The following SPOCK3 variants were observed in gnomAD, a reference collection of about 807,000 sequenced individuals.
SPOCK3 encodes SPARC (osteonectin), cwcv and kazal like domains proteoglycan 3, also known as testican-3.
A neutral mutation model predicts 56.6 loss-of-function variants in SPOCK3; 30 were observed. The ratio of observed to expected loss-of-function variants is 0.53; its 90% confidence interval spans 0.40 to 0.72. The LOEUF (loss-of-function observed/expected upper bound fraction) is 0.72. Among genes scored for constraint, SPOCK3 ranks in the 30% least tolerant of loss-of-function variants. The pLI is 0.00. For missense variants in SPOCK3, 527 were observed against 530.0 expected (o/e 0.99, Z 0.06); for synonymous variants, 196 against 183.3 (o/e 1.07, Z -0.56).
chr4:167,004,260 A>G (rs1027239768), intron 3 of SPOCK3, among the ~76,000 whole-genome samples: 2 of 152,198 alleles, frequency 1.3e-5, no homozygotes, highest in African/African-American at 4.8e-5. Context: ...GCGACACCTT[A>G]GGTAAGTTTT....
intron 3 of SPOCK3, among the ~76,000 whole-genome samples, chr4:167,061,167 T>C (rs1755567524): frequency 6.6e-6 from 1 of 151,866 alleles, no homozygotes; most frequent in Non-Finnish European, 1.5e-5. Context: ...TAAAGGAAAA[T>C]AAAAACATCT....
At chr4:166,750,886 A>G (rs1736288403) in intron 8 of SPOCK3, among the ~76,000 whole-genome samples, 1 of 152,198 alleles carries the variant, frequency 6.6e-6, no homozygotes, top group Admixed American at 6.6e-5. Context: ...TATAGAGTCA[A>G]AACTGAAAAG....
At chr4:167,119,133 G>A (rs1561236832) in intron 2 of SPOCK3, among the ~76,000 whole-genome samples, 2 of 100,440 alleles carry the variant, frequency 2.0e-5, no homozygotes, top group African/African-American at 3.2e-5. Flanking sequence ...ACTAGAAGGC[G>A]GGGTGGGGGA....
chr4:167,150,296 G>C (rs934869560), intron 2 of SPOCK3, among the ~76,000 whole-genome samples: 10 of 151,972 alleles, frequency 6.6e-5, no homozygotes, highest in African/African-American at 2.2e-4. Flanking sequence ...AAAGACTACT[G>C]ATGGTTTTTT....
At chr4:166,909,807 C>G (rs1323753401) in intron 5 of SPOCK3, among the ~76,000 whole-genome samples, 5 of 152,106 alleles carry the variant, frequency 3.3e-5, no homozygotes, top group African/African-American at 1.2e-4. Flanking sequence ...AGTTTATTGA[C>G]AAAATTTAGT....
chr4:166,916,776 C>T (rs765019967), intron 4 of SPOCK3, among the ~76,000 whole-genome samples: 3 of 152,164 alleles, frequency 2.0e-5, no homozygotes, highest in Non-Finnish European at 4.4e-5. Flanking sequence ...TGTGCAATGA[C>T]AGGTTTCATT....
chr4:166,965,794 C>T (rs761284323), intron 4 of SPOCK3, among the ~76,000 whole-genome samples: 2 of 152,078 alleles, frequency 1.3e-5, no homozygotes, highest in Non-Finnish European at 2.9e-5. Flanking sequence ...CTATTATCGA[C>T]ATCCCCACTA....
At chr4:167,017,443 C>T (rs565999085) in intron 3 of SPOCK3, among the ~76,000 whole-genome samples, 3 of 152,108 alleles carry the variant, frequency 2.0e-5, no homozygotes, top group Non-Finnish European at 4.4e-5. Context: ...ATTCTCCAGA[C>T]TGAAGTGATC....
chr4:166,908,933 A>C (rs1199403197), intron 5 of SPOCK3, among the ~76,000 whole-genome samples: 1 of 152,070 alleles, frequency 6.6e-6, no homozygotes, highest in East Asian at 1.9e-4. Context: ...TACCTCTCAA[A>C]CAACCTTGAA....
At chr4:167,206,152 C>T (rs1418221289) in intron 2 of SPOCK3, among the ~76,000 whole-genome samples, 1 of 151,632 alleles carries the variant, frequency 6.6e-6, no homozygotes, top group Non-Finnish European at 1.5e-5. Context: ...GGTGAAATTC[C>T]ATCTCTAGTA....
intron 2 of SPOCK3, among the ~76,000 whole-genome samples, chr4:167,219,218 T>C (rs766972774): frequency 1.3e-5 from 2 of 152,132 alleles, no homozygotes; most frequent in Non-Finnish European, 2.9e-5. Flanking sequence ...ACTGGAAGAC[T>C]AGGAGGTTGT....
At chr4:166,884,822 C>T (rs1269144181) in intron 6 of SPOCK3, among the ~76,000 whole-genome samples, 1 of 151,622 alleles carries the variant, frequency 6.6e-6, no homozygotes, top group Non-Finnish European at 1.5e-5. Context: ...TTAGGCTCTC[C>T]ACAGGATAAC....
chr4:167,039,736 G>T (rs1348807129), intron 3 of SPOCK3, among the ~76,000 whole-genome samples: 1 of 151,864 alleles, frequency 6.6e-6, no homozygotes, highest in South Asian at 2.1e-4. Flanking sequence ...AGTGAAAATT[G>T]GGACTATTTA....
chr4:166,769,976 A>T (rs1579175313), intron 7 of SPOCK3, among the ~76,000 whole-genome samples: 1 of 152,038 alleles, frequency 6.6e-6, no homozygotes. Context: ...TGTGCATGGT[A>T]CCCTCCGAGC....
intron 6 of SPOCK3, among the ~76,000 whole-genome samples, chr4:166,866,001 G>C (rs1354606707): frequency 6.6e-6 from 1 of 152,110 alleles, no homozygotes; most frequent in East Asian, 1.9e-4. Context: ...AACAAAGCTG[G>C]AGGCATCATT....
At chr4:166,735,234 A>T in intron 10 of SPOCK3, 144 bp from the exon 11 acceptor site, 1 of 594,876 alleles carries the variant, frequency 1.7e-6, no homozygotes, top group South Asian at 2.6e-5. Flanking sequence ...TGAAAGATCC[A>T]TTTTCTGGAA....
At chr4:167,006,590 T>G (rs1004997216) in intron 3 of SPOCK3, among the ~76,000 whole-genome samples, 1 of 152,122 alleles carries the variant, frequency 6.6e-6, no homozygotes, top group Non-Finnish European at 1.5e-5. Flanking sequence ...TTCCGATAAT[T>G]CGCCTACCCA....
chr4:167,057,878 C>T (rs552348906), intron 3 of SPOCK3, among the ~76,000 whole-genome samples: 28 of 152,212 alleles, frequency 1.8e-4, no homozygotes, highest in East Asian at 3.9e-4. Context: ...GACAGATCAA[C>T]AAGACAGAAA....
At chr4:167,073,128 T>C (rs1019766517) in intron 2 of SPOCK3, among the ~76,000 whole-genome samples, 1 of 151,700 alleles carries the variant, frequency 6.6e-6, no homozygotes, top group African/African-American at 2.4e-5. Flanking sequence ...TTTATGGTAT[T>C]TCCATAATTT....
Sources: gnomAD v4.1 joint callset for allele counts (sites outside exome capture counted in the v4.1 genomes callset) on GRCh38, gnomAD v4.1.1 for gene constraint, MANE v1.5 for transcripts, NCBI Gene and HGNC (gene_info 2026-07-23, HGNC 2026-07-21) for gene names.